The following DLC1 variants were observed in gnomAD, a reference collection of about 807,000 sequenced individuals.
DLC1 encodes rho GTPase-activating protein 7.
A neutral mutation model predicts 140.3 loss-of-function variants in DLC1; 54 were observed. The observed-to-expected ratio is 0.38, with a 90% CI of 0.31 to 0.48. The LOEUF (loss-of-function observed/expected upper bound fraction) is 0.48. Among genes scored for constraint, DLC1 ranks in the 20% least tolerant of loss-of-function variants. The probability of loss-of-function intolerance (pLI) is 0.96; values close to 1 mark genes in which losing one functional copy is unlikely to be tolerated. For synonymous variants in DLC1, 986 were observed against 728.1 expected, an observed-to-expected ratio of 1.35 and a Z score of -5.70; for missense variants, 2,536 against 1,907.0, an observed-to-expected ratio of 1.33 and a Z score of -6.14.
In DLC1 at chr8:13,088,486, C is replaced by A; in HGVS notation, c.4292+1G>T. 3.1e-6 allele frequency: 5 copies of A among 1,614,176 alleles called. No individual in the cohort carries two copies. The highest frequency in any genetic ancestry group is 4.2e-6 in the Non-Finnish European group (5 of 1,180,018). Reference sequence around the variant, plus strand: ...CAAAAAAACAACTGGGAAGCGCTCACCTTAAAACAACGTAGTCTCGAGCAG... The same window carrying A: ...CAAAAAAACAACTGGGAAGCGCTCAACTTAAAACAACGTAGTCTCGAGCAG... On this transcript the variant is annotated splice_donor_variant, in intron 16 of 17. Coordinates refer to ENST00000276297, the MANE Select transcript of DLC1 (RefSeq NM_182643.3). LOFTEE classifies it high-confidence loss of function.
At chr8:13,373,441 T>C (rs1835817929) in intron 4 of DLC1, among the ~76,000 whole-genome samples, 1 of 152,200 alleles carries the variant, frequency 6.6e-6, no homozygotes, top group Admixed American at 6.5e-5. Context: ...TCTGGGCTGA[T>C]GATCTCCTCA....
At chr8:13,106,665 T>C (rs1819592484) in intron 7 of DLC1, among the ~76,000 whole-genome samples, 1 of 152,188 alleles carries the variant, frequency 6.6e-6, no homozygotes, top group South Asian at 2.1e-4. Context: ...AGACCAGAAA[T>C]TGTGACAAAG....
chr8:13,507,142 T>C (rs1410094139), intron 1 of DLC1, among the ~76,000 whole-genome samples: 1 of 152,168 alleles, frequency 6.6e-6, no homozygotes, highest in East Asian at 1.9e-4. Context: ...ATGAAACCCA[T>C]TTTCTTAATG....
chr8:13,573,941 A>G (rs541029514), intron 1 of DLC1, among the ~76,000 whole-genome samples: 97 of 152,242 alleles, frequency 6.4e-4, no homozygotes, highest in Admixed American at 1.3e-3. Context: ...GACTCCCTCC[A>G]TCATTCATCA....
At chr8:13,479,367 C>CA (rs532754090) in intron 2 of DLC1, among the ~76,000 whole-genome samples, 78 of 151,792 alleles carry the variant, frequency 5.1e-4, no homozygotes, top group African/African-American at 1.7e-3. Context: ...AGCAAAAATA[C>CA]AAAAAAAGGT....
intron 10 of DLC1, among the ~76,000 whole-genome samples, chr8:13,098,034 G>GAAAAAAAAAAAA (rs35785512): frequency 1.5e-5 from 1 of 68,418 alleles, no homozygotes; most frequent in Non-Finnish European, 2.6e-5. Flanking sequence ...AAGGAAAAAA[G>GAAAAAAAAAAAA]AAAAAAAAAA....
intron 4 of DLC1, among the ~76,000 whole-genome samples, chr8:13,383,163 G>T (rs1266655835): frequency 6.6e-6 from 1 of 152,214 alleles, no homozygotes; most frequent in Admixed American, 6.5e-5. Flanking sequence ...ACATCTCACA[G>T]GAAGGAACTG....
chr8:13,473,248 C>A (rs1585168037), intron 2 of DLC1, among the ~76,000 whole-genome samples: 1 of 152,218 alleles, frequency 6.6e-6, no homozygotes, highest in Non-Finnish European at 1.5e-5. Flanking sequence ...TGTCCCCACC[C>A]AAATCTCATG....
At chr8:13,583,020 T>C (rs1585301761) in intron 1 of DLC1, among the ~76,000 whole-genome samples, 1 of 151,676 alleles carries the variant, frequency 6.6e-6, no homozygotes, top group African/African-American at 2.4e-5. Context: ...TGAGTTGTAA[T>C]CTTTTTGCCG....
intron 1 of DLC1, among the ~76,000 whole-genome samples, chr8:13,589,455 A>G (rs1458194817): frequency 6.6e-6 from 1 of 152,104 alleles, no homozygotes; most frequent in African/African-American, 2.4e-5. Context: ...GATAGATCAC[A>G]TGAGCCCTCT....
intron 2 of DLC1, among the ~76,000 whole-genome samples, chr8:13,476,840 T>C (rs777647428): frequency 1.1e-4 from 17 of 152,226 alleles, no homozygotes; most frequent in Middle Eastern, 3.2e-3. Flanking sequence ...ATCATAATTT[T>C]ATTGTAGGAT....
intron 5 of DLC1, among the ~76,000 whole-genome samples, chr8:13,209,096 A>T (rs1216125601): frequency 6.6e-6 from 1 of 152,188 alleles, no homozygotes; most frequent in South Asian, 2.1e-4. Context: ...TGCCAGAAAA[A>T]CAAATACTTC....
intron 5 of DLC1, among the ~76,000 whole-genome samples, chr8:13,122,030 C>A (rs1054623785): frequency 6.6e-6 from 1 of 152,096 alleles, no homozygotes; most frequent in African/African-American, 2.4e-5. Context: ...ACTTTTTCAC[C>A]CTTGGATTAT....
chr8:13,452,004 T>C (rs1411492802), intron 2 of DLC1, among the ~76,000 whole-genome samples: 1 of 152,162 alleles, frequency 6.6e-6, no homozygotes, highest in Non-Finnish European at 1.5e-5. Flanking sequence ...ACGAGGGTTC[T>C]ATTGGCTATT....
chr8:13,539,205 AT>A (rs1452066189), intron 1 of DLC1, among the ~76,000 whole-genome samples: 1 of 151,744 alleles, frequency 6.6e-6, no homozygotes, highest in Non-Finnish European at 1.5e-5. Context: ...GTATGTATGT[AT>A]GTATTTATTT....
intron 1 of DLC1, among the ~76,000 whole-genome samples, chr8:13,537,952 C>T (rs536270838): frequency 4.2e-4 from 64 of 152,246 alleles, no homozygotes; most frequent in African/African-American, 1.4e-3. Flanking sequence ...CCGCACCCGG[C>T]CAGCAACAGC....
chr8:13,553,864 A>G (rs1029436331), intron 1 of DLC1, among the ~76,000 whole-genome samples: 4 of 152,212 alleles, frequency 2.6e-5, no homozygotes, highest in African/African-American at 7.2e-5. Flanking sequence ...ACTCGAGGAC[A>G]TTTGATATAT....
chr8:13,481,885 C>T (rs1274609676), intron 2 of DLC1, among the ~76,000 whole-genome samples: 1 of 152,160 alleles, frequency 6.6e-6, no homozygotes, highest in Admixed American at 6.5e-5. Flanking sequence ...TAGTCACACA[C>T]ACACACGAAG....
Position 13,202,056 on chromosome 8 carries a change from C to T in DLC1, c.1349-86399G>A, listed in dbSNP as rs552950166. ...TGCCTCCCTGGTTCAAGTGATTCTC[C>T]TGCCTCAGCCTACCAAGTAGCTGGG... is the stretch of plus-strand genomic sequence containing the variant. On this transcript the variant is annotated intron_variant, in intron 5 of 17. Transcript: ENST00000276297. Among the ~76,000 whole-genome samples, 4 of 151,750 alleles carry T rather than the reference C, an allele frequency of 2.6e-5. No individual in the cohort carries two copies. In the South Asian group the frequency reaches 8.3e-4, roughly 32 times the overall value.
Sources: gnomAD v4.1 joint callset for allele counts (sites outside exome capture counted in the v4.1 genomes callset) on GRCh38, gnomAD v4.1.1 for gene constraint, MANE v1.5 for transcripts, NCBI Gene and HGNC (gene_info 2026-07-23, HGNC 2026-07-21) for gene names.